SEMA3A: variants seen among roughly 807,000 people sequenced by gnomAD.
SEMA3A encodes the protein semaphorin-3A.
A neutral mutation model predicts 97.9 loss-of-function variants in SEMA3A; 29 were observed. That is an observed-to-expected ratio of 0.30 (90% CI 0.22 to 0.40). The LOEUF is 0.40. Among genes scored for constraint, SEMA3A ranks in the 10% least tolerant of loss-of-function variants. SEMA3A has a pLI of 1.00. For missense variants in SEMA3A, 763 were observed against 951.3 expected, an observed-to-expected ratio of 0.80 and a Z score of 2.60; for synonymous variants, 321 against 323.7, an observed-to-expected ratio of 0.99 and a Z score of 0.09.
intron 3 of SEMA3A, 92 bp downstream of exon 3, chr7:84,129,031 C>CA: frequency 4.0e-6 from 4 of 997,572 alleles, no homozygotes; most frequent in Non-Finnish European, 3.2e-6. Context: ...CCCACACACA[C>CA]AAAAAAATCA....
chr7:84,050,892 TGTAAGGAAGG>T (rs1183038740), intron 5 of SEMA3A, among the ~76,000 whole-genome samples: 3 of 151,344 alleles, frequency 2.0e-5, no homozygotes, highest in African/African-American at 7.3e-5. Flanking sequence ...TTGTATAAGG[TGTAAGGAAGG>T]GATCCAGTTT....
chr7:84,202,095 A>G (rs978461440), intron 3 of SEMA3A, among the ~76,000 whole-genome samples: 8 of 152,142 alleles, frequency 5.3e-5, no homozygotes, highest in African/African-American at 1.4e-4. Flanking sequence ...ATTTAAAACA[A>G]TGAGTGTAGT....
chr7:84,104,020 G>A (rs1795034513), intron 4 of SEMA3A, among the ~76,000 whole-genome samples: 2 of 152,082 alleles, frequency 1.3e-5, no homozygotes. Flanking sequence ...AATAACTCCA[G>A]TGACTGTCTC....
At chr7:84,054,291 A>G (rs1792839345) in intron 5 of SEMA3A, among the ~76,000 whole-genome samples, 1 of 152,264 alleles carries the variant, frequency 6.6e-6, no homozygotes, top group Non-Finnish European at 1.5e-5. Context: ...TCTCCTGGAT[A>G]ATATCCTGCA....
intron 3 of SEMA3A, among the ~76,000 whole-genome samples, chr7:84,283,012 T>TA (rs958216185): frequency 1.0e-4 from 15 of 148,918 alleles, no homozygotes; most frequent in African/African-American, 2.4e-4. Flanking sequence ...AGACTCCATC[T>TA]AAAAAAAAAG....
chr7:84,235,915 A>G (rs1229815660), intron 3 of SEMA3A, among the ~76,000 whole-genome samples: 2 of 152,094 alleles, frequency 1.3e-5, no homozygotes, highest in African/African-American at 4.8e-5. Context: ...CCCCATGTTT[A>G]GGGTGTATTC....
intron 3 of SEMA3A, among the ~76,000 whole-genome samples, chr7:84,284,421 A>T (rs1188807761): frequency 6.6e-6 from 1 of 152,182 alleles, no homozygotes; most frequent in Non-Finnish European, 1.5e-5. Flanking sequence ...ATACTGAAAC[A>T]AAGACAAAAT....
chr7:84,055,310 C>T (rs572141765), intron 5 of SEMA3A, among the ~76,000 whole-genome samples: 97 of 152,312 alleles, frequency 6.4e-4, no homozygotes, highest in African/African-American at 2.0e-3. Flanking sequence ...CGCCTCGCTG[C>T]GGCCTTGCAG....
At chr7:84,401,341 C>T (rs187160513) in intron 1 of SEMA3A, among the ~76,000 whole-genome samples, 28 of 151,788 alleles carry the variant, frequency 1.8e-4, no homozygotes, top group Admixed American at 1.1e-3. Context: ...AAAATGCTAA[C>T]GAAAGAAATT....
chr7:83,997,389 G>T (rs958893686), intron 12 of SEMA3A, among the ~76,000 whole-genome samples: 1 of 152,116 alleles, frequency 6.6e-6, no homozygotes, highest in South Asian at 2.1e-4. Flanking sequence ...TTAATGTGTT[G>T]TGGGTTTTTT....
At chr7:84,163,530 T>C (rs946512292) in intron 1 of SEMA3A, among the ~76,000 whole-genome samples, 2 of 152,118 alleles carry the variant, frequency 1.3e-5, no homozygotes, top group Non-Finnish European at 1.5e-5. Context: ...CATTCTGATA[T>C]CAACGACGCA....
intron 3 of SEMA3A, among the ~76,000 whole-genome samples, chr7:84,202,020 A>G (rs1471905353): frequency 2.0e-5 from 3 of 152,188 alleles, no homozygotes; most frequent in Non-Finnish European, 2.9e-5. Context: ...CTAAAGCTTT[A>G]TCAGTGAACT....
At chr7:84,470,250 G>A (rs2116407831) in intron 1 of SEMA3A, among the ~76,000 whole-genome samples, 1 of 152,102 alleles carries the variant, frequency 6.6e-6, no homozygotes, top group South Asian at 2.1e-4. Flanking sequence ...TTCAAGGTCA[G>A]AATTAAATAA....
At chr7:84,028,825 C>T (rs986032660) in intron 6 of SEMA3A, among the ~76,000 whole-genome samples, 32 of 151,900 alleles carry the variant, frequency 2.1e-4, no homozygotes, top group African/African-American at 6.3e-4. Flanking sequence ...TTCACCATGT[C>T]AGCCAGGATG....
intron 15 of SEMA3A, among the ~76,000 whole-genome samples, chr7:83,965,635 TATATATATATATATATATATATATATA>T: frequency 1.6e-4 from 1 of 6,272 alleles, no homozygotes; most frequent in Non-Finnish European, 2.9e-4. Context: ...TGCATATATA[TATATATATATATATATATATATATATA>T]TATATTTTTT....
At chr7:84,351,411 AC>A (rs1380778106) in intron 2 of SEMA3A, among the ~76,000 whole-genome samples, 1 of 152,102 alleles carries the variant, frequency 6.6e-6, no homozygotes. Context: ...CATCATGATA[AC>A]TTTTACCTCC....
chr7:84,227,408 A>ATT (rs993935711), intron 3 of SEMA3A, among the ~76,000 whole-genome samples: 1 of 150,554 alleles, frequency 6.6e-6, no homozygotes, highest in Non-Finnish European at 1.5e-5. Context: ...CTAAAAATAC[A>ATT]TTTTTTTTTG....
At chr7:84,303,498 A>G (rs1432861869) in intron 3 of SEMA3A, among the ~76,000 whole-genome samples, 1 of 152,122 alleles carries the variant, frequency 6.6e-6, no homozygotes, top group Non-Finnish European at 1.5e-5. Context: ...AAAATTAAGT[A>G]ACAATTAGTA....
intron 12 of SEMA3A, among the ~76,000 whole-genome samples, chr7:83,988,302 CT>C (rs1359929263): frequency 6.6e-6 from 1 of 152,096 alleles, no homozygotes; most frequent in African/African-American, 2.4e-5. Flanking sequence ...TCTCGGCTCG[CT>C]GCTAGCTCTG....
Sources: allele counts gnomAD v4.1 joint callset (sites outside exome capture counted in the v4.1 genomes callset), GRCh38; gene constraint gnomAD v4.1.1; transcripts MANE v1.5; gene names NCBI Gene and HGNC (gene_info 2026-07-23, HGNC 2026-07-21).